DBN1: variants seen among roughly 807,000 people sequenced by gnomAD.
DBN1 encodes drebrin 1.
Under a neutral mutation model 83.5 loss-of-function variants are expected in DBN1, and 21 were observed. The ratio of observed to expected loss-of-function variants is 0.25; its 90% CI spans 0.18 to 0.36. The LOEUF (loss-of-function observed/expected upper bound fraction) is 0.36. Ranked by LOEUF, DBN1 falls within the 10% of genes least tolerant of loss-of-function variation. The pLI is 1.00. For missense variants in DBN1, 874 were observed against 935.7 expected (o/e 0.93, Z 0.86); for synonymous variants, 381 against 384.9 (o/e 0.99, Z 0.12).
Position 177,466,951 on chromosome 5 carries a change from G to A in DBN1, c.667C>T (p.Arg223Trp), listed in dbSNP as rs781735491. ...QERQEQEERE[R>W]RYREREQQIE... ...TGCTGCTCCCGCTCCCGGTAGCGCC[G>A]CTCGCGCTCCTCTTGCTCCTGCCGC... The change falls in exon 7 of 15, where the codon CGG (arginine) becomes TGG (tryptophan). Residue 223 changes from arginine to tryptophan, a missense_variant. Coordinates refer to ENST00000393565, the MANE Select transcript of DBN1 (RefSeq NM_001363541.2). This position sits in a 1 kb window ranked among gnomAD's most constrained non-coding sequence, Gnocchi z 4.8. 6 of 1,612,502 alleles carry A rather than the reference G, an allele frequency of 3.7e-6. No individual in the cohort carries two copies. The highest frequency in any genetic ancestry group is 2.2e-5 in the East Asian group (1 of 44,872).
rs1481830996 is a variant in DBN1 at position 177,456,692 on chromosome 5, A to AAAC, written c.*740_*741insGTT. On this transcript the variant is annotated 3_prime_UTR_variant, in exon 15 of 15. Coordinates refer to ENST00000393565, the MANE Select transcript of DBN1 (RefSeq NM_001363541.2). ...GCTTTCCAAAAAAAAAAAAAAAAAA[A>AAAC]AAAAAAAAACAGTTACTAAACGTGA... 7.6e-4 allele frequency: 112 copies of AAAC among 148,192 alleles called. No homozygotes were observed. The highest frequency in any genetic ancestry group is 2.8e-3 in the African/African-American group (108 of 38,124). The allele number at this position is 148,192 out of a possible 1,614,324, so 9.2% of individuals were successfully genotyped here.
rs774326494 is a variant in DBN1, at chr5:177,457,718, ACTC to A, written c.1951_1953del (p.Glu651del). 8 of 1,612,302 alleles carry A rather than the reference ACTC, an allele frequency of 5.0e-6. No individual in the cohort carries two copies. On this transcript the variant is annotated inframe_deletion, in exon 14 of 15. Transcript: ENST00000393565. ...GCACAGAGCTCTTCCGATTGGGCAAACTCCTCCTCCTGTGATTGACTGAAGTAC... is the reference window on the plus strand; with the variant it reads ...GCACAGAGCTCTTCCGATTGGGCAAACTCCTCCTGTGATTGACTGAAGTAC...
chr5:177,457,862 T>G, intron 13 of DBN1, 105 bp from the exon 14 acceptor site: 2 of 960,392 alleles, frequency 2.1e-6, no homozygotes, highest in Non-Finnish European at 3.1e-6. Context: ...CATCAGTGGT[T>G]GCCAGGGAAA....
intron 8 of DBN1, among the ~76,000 whole-genome samples, chr5:177,463,449 C>T (rs1757191044): frequency 6.6e-6 from 1 of 152,194 alleles, no homozygotes. Context: ...ACTGCTGTGC[C>T]TAAAGCATTT....
intron 8 of DBN1, among the ~76,000 whole-genome samples, chr5:177,464,652 A>T (rs1181330675): frequency 6.7e-6 from 1 of 149,748 alleles, no homozygotes; most frequent in Admixed American, 6.6e-5. Flanking sequence ...TAAATAATAA[A>T]CTTTATCTGC....
At chr5:177,460,597 T>A (rs1561679766) in intron 9 of DBN1, 42 bp from the exon 10 acceptor site, 2 of 1,614,068 alleles carry the variant, frequency 1.2e-6, no homozygotes, top group Non-Finnish European at 1.7e-6. Context: ...CCAGGCAAGC[T>A]GAGATAGCCC....
intron 1 of DBN1, among the ~76,000 whole-genome samples, chr5:177,470,327 T>C (rs1450153374): frequency 6.6e-6 from 1 of 152,140 alleles, no homozygotes; most frequent in Non-Finnish European, 1.5e-5. Context: ...GATGAGAAAC[T>C]AATGCAGAGC....
chr5:177,467,488 T>C lies in DBN1; in HGVS notation c.470A>G (p.Glu157Gly), dbSNP rs1043385425. Residue 157 changes from glutamate to glycine, a missense_variant, in exon 5 of 15, where the codon GAG (glutamate) becomes GGG (glycine). Coordinates refer to ENST00000393565, the MANE Select transcript of DBN1 (RefSeq NM_001363541.2). The surrounding 1 kb of genome is among the most constrained non-coding windows in gnomAD (Gnocchi z 9.1). ...TGCCAAACACACACTAACCACGGGC[T>C]CTGCGTTCTCATCCTCTCGCAGCCG... Reference protein sequence around the residue: ...RLRLREDENAEPVGTTYQKTD... With the variant: ...RLRLREDENAGPVGTTYQKTD... 1.3e-6 allele frequency: 2 copies of C among 1,592,578 alleles called. No homozygotes were observed. Among genetic ancestry groups the C allele is most frequent in the East Asian group, 4.6e-5 (2 of 43,776 alleles).
At chr5:177,472,034 T>A in intron 1 of DBN1, 1 of 1,467,600 alleles carries the variant, frequency 6.8e-7, no homozygotes, top group Non-Finnish European at 9.1e-7. Flanking sequence ...GCTCCTCCCA[T>A]GATCTCAGCC....
At position 177,458,237 on chromosome 5, in the gene DBN1, A is replaced by C; in HGVS notation, c.1735T>G (p.Phe579Val). The change falls in exon 13 of 15, where the codon TTT (phenylalanine) becomes GTT (valine). Residue 579 changes from phenylalanine (F) to valine (V), a missense_variant. This residue lies in a region of DBN1 where 725 missense variants were observed against 719.7 expected (regional missense o/e 1.01). Transcript: ENST00000393565. ...AGEGCATLLN[F>V]DELPEPPATF... ...GCTGGCGGCTCAGGCAGCTCATCAA[A>C]GTTGAGAAGGGTGGCACAGCCTTCG... 1 of 1,613,532 alleles carries C rather than the reference A, an allele frequency of 6.2e-7. No individual in the cohort carries two copies. The highest frequency in any genetic ancestry group is 8.5e-7 in the Non-Finnish European group (1 of 1,179,964).
chr5:177,463,280 G>A (rs189168115), intron 8 of DBN1, among the ~76,000 whole-genome samples: 6 of 152,194 alleles, frequency 3.9e-5, no homozygotes, highest in Admixed American at 6.5e-5. Flanking sequence ...CTCATGATCC[G>A]CCTGCCTTGG....
intron 10 of DBN1, among the ~76,000 whole-genome samples, chr5:177,460,100 C>T (rs891223722): frequency 6.6e-6 from 1 of 152,212 alleles, no homozygotes; most frequent in Admixed American, 6.5e-5. Context: ...GGGCAAGAGC[C>T]CAGCACGCAT....
At chr5:177,473,413 G>C in intron 1 of DBN1, 23 bp downstream of exon 1, 2 of 1,332,690 alleles carry the variant, frequency 1.5e-6, no homozygotes, top group Non-Finnish European at 9.9e-7. Context: ...CAAAGGGGCC[G>C]GGGGCGGGGG....
In DBN1 at chr5:177,458,043, C is replaced by T. The variant is rs1484788561; in HGVS notation, c.1914+15G>A. The T allele has an allele frequency of 1.9e-6, 3 of 1,613,662 alleles. No homozygotes were observed. The highest frequency in any genetic ancestry group is 1.7e-4 in the Middle Eastern group (1 of 6,060). On this transcript the variant is annotated intron_variant, in intron 13 of 14. Coordinates refer to ENST00000393565, the MANE Select transcript of DBN1 (RefSeq NM_001363541.2). ...ACTCCCTCCCATCCCTCCCACCAGG[C>T]AGTCCCTGCCGCACCTGGGTCCCCT...
At position 177,473,558 on chromosome 5, in the gene DBN1, G is replaced by T; in HGVS notation, c.-37C>A. 7.6e-7 allele frequency: 1 copy of T among 1,313,710 alleles called. No homozygotes were observed. The highest frequency in any genetic ancestry group is 1.8e-5 in the South Asian group (1 of 54,310). 81.4% of individuals were successfully genotyped at this position (1,313,710 alleles called of 1,614,324 possible). On this transcript the variant is annotated 5_prime_UTR_variant, in exon 1 of 15. Transcript: ENST00000393565. ...GACCGGGCCGAACGGACAGACGCGC[G>T]GACGGACGGGCGGACGGAGGAGGAG...
In DBN1 at chr5:177,458,583, A is replaced by C; in HGVS notation, c.1389T>G (p.Pro463=). Residue 463 remains proline, a synonymous_variant, in exon 13 of 15, where the codon CCT becomes CCG. Transcript: ENST00000393565. ...AQAPPRGPGS[P]AEDLMFMESA... is the part of the protein sequence containing the mutation. ...ACTCCATGAACATCAAGTCCTCTGC[A>C]GGGCTGCCTGGCCCCCGGGGAGGCG... 6.2e-7 allele frequency: 1 copy of C among 1,613,812 alleles called. No individual in the cohort carries two copies. Among genetic ancestry groups the C allele is most frequent in the Non-Finnish European group, 8.5e-7 (1 of 1,179,818 alleles).
intron 1 of DBN1, chr5:177,472,299 C>G (rs894519392): frequency 1.3e-6 from 2 of 1,573,384 alleles, no homozygotes; most frequent in Non-Finnish European, 1.7e-6. Context: ...AGCGGGGTCC[C>G]TCAGACCTGC....
intron 11 of DBN1, 22 bp from the exon 12 acceptor site, chr5:177,459,290 G>A: frequency 6.3e-7 from 1 of 1,599,564 alleles, no homozygotes. Flanking sequence ...ACCCCAGGTG[G>A]GTCAGTGAGG....
intron 1 of DBN1, 93 bp from the exon 2 acceptor site, chr5:177,468,992 T>C (rs1757663088): frequency 5.5e-6 from 4 of 721,666 alleles, no homozygotes; most frequent in Non-Finnish European, 8.3e-6. Flanking sequence ...GGACATGGAG[T>C]GGGTAGGACA....
Sources: allele counts gnomAD v4.1 joint callset (sites outside exome capture counted in the v4.1 genomes callset), GRCh38; gene constraint gnomAD v4.1.1; regional missense constraint gnomAD v4.1.1; non-coding constraint Gnocchi (gnomAD v3.1); transcripts MANE v1.5; gene names NCBI Gene and HGNC (gene_info 2026-07-23, HGNC 2026-07-21).